The following FRMD4A variants were observed in gnomAD, a reference collection of about 807,000 sequenced individuals.
The protein encoded by FRMD4A is FERM domain-containing protein 4A.
In FRMD4A, 29 loss-of-function variants were observed where a neutral mutation model predicts 129.1. The ratio of observed to expected loss-of-function variants is 0.22; its 90% CI spans 0.17 to 0.31. The LOEUF (loss-of-function observed/expected upper bound fraction) is 0.31. Among genes scored for constraint, FRMD4A ranks in the 10% least tolerant of loss-of-function variants. The pLI is 1.00. For missense variants in FRMD4A, 1,272 were observed against 1,375.8 expected (o/e 0.92, Z 1.19); for synonymous variants, 634 against 571.6 (o/e 1.11, Z -1.56).
intron 2 of FRMD4A, among the ~76,000 whole-genome samples, chr10:13,954,677 G>A (rs1302452907): frequency 2.6e-5 from 4 of 152,146 alleles, no homozygotes; most frequent in Non-Finnish European, 4.4e-5. Flanking sequence ...ATCCATGCAT[G>A]GCAGCAGTGC....
Position 13,940,392 on chromosome 10 carries a change from T to C in FRMD4A, c.46-81480A>G, listed in dbSNP as rs538272676. On this transcript the variant is annotated intron_variant, in intron 2 of 24. Transcript: ENST00000357447. ...AGGGGCTAGAATGTGAGGTCTTTCC[T>C]ACTGTCTACTTCCATGAGAGGACAG... 1.7e-3 allele frequency among the ~76,000 whole-genome samples: 260 copies of C among 152,280 alleles called. 3 individuals are homozygous for C. Among genetic ancestry groups the C allele is most frequent in the African/African-American group, 6.0e-3 (248 of 41,558 alleles).
intron 3 of FRMD4A, among the ~76,000 whole-genome samples, chr10:13,844,996 A>G (rs578047908): frequency 6.6e-6 from 1 of 152,336 alleles, no homozygotes; most frequent in East Asian, 1.9e-4. Flanking sequence ...CCTTCAGTAC[A>G]GACCTTCCCA....
At chr10:13,723,740 C>G (rs543069269) in intron 12 of FRMD4A, among the ~76,000 whole-genome samples, 13 of 152,316 alleles carry the variant, frequency 8.5e-5, no homozygotes, top group African/African-American at 3.1e-4. Context: ...GTTCTGTGAA[C>G]TCTCTGCCAC....
At position 14,309,176 on chromosome 10, in the gene FRMD4A, A is replaced by G. The variant is rs72780836; in HGVS notation, c.45+20882T>C. ...TAAAAATCGTACATGTAGACTGGGC[A>G]TGGTGGCTCACGTCTGTAATCACAG... On this transcript the variant is annotated intron_variant, in intron 2 of 24. Coordinates refer to ENST00000357447, the MANE Select transcript of FRMD4A (RefSeq NM_018027.5). Among the ~76,000 whole-genome samples the G allele has an allele frequency of 5.8e-3, 883 of 152,330 alleles. 22 individuals are homozygous for G. In the South Asian group the frequency reaches 0.063, roughly 11 times the overall value.
chr10:13,659,139 G>C (rs1357849613), intron 21 of FRMD4A, among the ~76,000 whole-genome samples, 184 bp downstream of exon 21: 1 of 152,162 alleles, frequency 6.6e-6, no homozygotes, highest in Non-Finnish European at 1.5e-5. Flanking sequence ...CAAGTGCCCT[G>C]TGCATGGGTC....
intron 2 of FRMD4A, among the ~76,000 whole-genome samples, chr10:14,283,127 A>G (rs1845575234): frequency 6.6e-6 from 1 of 152,226 alleles, no homozygotes; most frequent in Non-Finnish European, 1.5e-5. Flanking sequence ...ATTTGAAGGG[A>G]TTATCAAACA....
At chr10:14,141,584 C>CG (rs1265156006) in intron 2 of FRMD4A, among the ~76,000 whole-genome samples, 2 of 151,816 alleles carry the variant, frequency 1.3e-5, no homozygotes, top group Admixed American at 6.6e-5. Context: ...CTTCTCTACC[C>CG]CTGCCATACC....
rs369782947 is a variant in FRMD4A at position 14,227,216 on chromosome 10, C to T, written c.45+102842G>A. On this transcript the variant is annotated intron_variant, in intron 2 of 24. Coordinates refer to ENST00000357447, the MANE Select transcript of FRMD4A (RefSeq NM_018027.5). ...TTAGTCGTCTTCTTTCTTCTTTCCC[C>T]TTCCTCCTCCTCCTTCTCTTCTTCT... Among the ~76,000 whole-genome samples, 136 of 149,694 alleles carry T rather than the reference C, an allele frequency of 9.1e-4. 1 individual carries two copies. The highest frequency in any genetic ancestry group is 1.4e-3 in the African/African-American group (55 of 40,640).
intron 2 of FRMD4A, among the ~76,000 whole-genome samples, chr10:14,271,772 C>T (rs993811520): frequency 3.3e-5 from 5 of 152,162 alleles, no homozygotes; most frequent in Admixed American, 6.5e-5. Context: ...GTCAGGGAAG[C>T]ATTTTTCTGC....
intron 6 of FRMD4A, among the ~76,000 whole-genome samples, chr10:13,763,783 T>C (rs146372436): frequency 1.3e-5 from 2 of 152,334 alleles, no homozygotes; most frequent in African/African-American, 4.8e-5. Context: ...TCACCCAAGC[T>C]GGAGTGCAGT....
intron 2 of FRMD4A, among the ~76,000 whole-genome samples, chr10:13,998,788 C>T (rs535769773): frequency 6.6e-6 from 1 of 152,332 alleles, no homozygotes; most frequent in East Asian, 1.9e-4. Context: ...AAATCATCAT[C>T]ATCTGTCACT....
chr10:14,216,408 T>G (rs562095279), intron 2 of FRMD4A, among the ~76,000 whole-genome samples: 2 of 152,282 alleles, frequency 1.3e-5, no homozygotes, highest in Admixed American at 6.5e-5. Context: ...CAATGACTCA[T>G]GCCTGTAATC....
chr10:14,197,650 C>G (rs117245851), intron 2 of FRMD4A, among the ~76,000 whole-genome samples: 3,443 of 152,280 alleles, frequency 0.023, 52 homozygotes, highest in Non-Finnish European at 0.038. Context: ...CGTGAGCCAC[C>G]GTGCCTGGCC....
intron 2 of FRMD4A, among the ~76,000 whole-genome samples, chr10:14,175,569 T>A (rs1841692144): frequency 6.7e-6 from 1 of 148,214 alleles, no homozygotes; most frequent in Non-Finnish European, 1.5e-5. Flanking sequence ...TTGCTCAGGC[T>A]GCAGTACAGT....
In FRMD4A at chr10:13,675,023, G is replaced by A. The variant is rs771791704; in HGVS notation, c.1139C>T (p.Ser380Leu). The A allele has an allele frequency of 8.1e-6, 13 of 1,613,288 alleles. No homozygotes were observed. The highest frequency in any genetic ancestry group is 1.6e-4 in the Middle Eastern group (1 of 6,084). The change falls in exon 16 of 25, where the codon TCG becomes TTG. Residue 380 changes from serine to leucine, a missense_variant. Coordinates refer to ENST00000357447, the MANE Select transcript of FRMD4A (RefSeq NM_018027.5). ...LSSGSQESDS[S>L]QSAKKDMLAA... ...CAGCATGTCCTTCTTGGCCGACTGC[G>A]AGCTATCTGATTCCTGAGAACCTGT...
intron 2 of FRMD4A, among the ~76,000 whole-genome samples, chr10:13,969,031 A>G (rs1057240976): frequency 6.6e-6 from 1 of 152,224 alleles, no homozygotes; most frequent in African/African-American, 2.4e-5. Flanking sequence ...TGGCAGTAGA[A>G]AGGAGGGCTG....
At chr10:13,933,211 C>A (rs1589318884) in intron 2 of FRMD4A, among the ~76,000 whole-genome samples, 2 of 151,950 alleles carry the variant, frequency 1.3e-5, no homozygotes, top group African/African-American at 4.8e-5. Context: ...AGGCAGGGAA[C>A]ATAAAGCGGA....
At chr10:14,324,526 G>A (rs1302767953) in intron 2 of FRMD4A, among the ~76,000 whole-genome samples, 1 of 152,148 alleles carries the variant, frequency 6.6e-6, no homozygotes, top group African/African-American at 2.4e-5. Context: ...GTATACAGTG[G>A]TTTAGGTGGC....
At chr10:13,689,454 A>C (rs2085454757) in intron 15 of FRMD4A, among the ~76,000 whole-genome samples, 1 of 151,920 alleles carries the variant, frequency 6.6e-6, no homozygotes, top group African/African-American at 2.4e-5. Context: ...GGCTTACAAT[A>C]TAATTTGGGA....
Sources: allele counts gnomAD v4.1 joint callset (sites outside exome capture counted in the v4.1 genomes callset), GRCh38; gene constraint gnomAD v4.1.1; transcripts MANE v1.5; gene names NCBI Gene and HGNC (gene_info 2026-07-23, HGNC 2026-07-21).